The following IST1 variants were observed in gnomAD, a reference collection of about 807,000 sequenced individuals.
The protein encoded by IST1 is IST1 homolog.
Under a neutral mutation model 37.0 loss-of-function variants are expected in IST1, and 23 were observed. That is an observed-to-expected ratio of 0.62 (90% CI 0.45 to 0.88). The LOEUF (loss-of-function observed/expected upper bound fraction) is 0.88. IST1 is among the 40% of genes least tolerant of loss of function. The probability of loss-of-function intolerance (pLI) is 0.00; values close to 1 mark genes in which losing one functional copy is unlikely to be tolerated. For synonymous variants in IST1, 180 were observed against 161.7 expected (o/e 1.11, Z -0.86); for missense variants, 488 against 445.4 (o/e 1.10, Z -0.86).
intron 1 of IST1, among the ~76,000 whole-genome samples, chr16:71,904,198 G>C (rs1002269087): frequency 6.6e-6 from 1 of 152,046 alleles, no homozygotes; most frequent in African/African-American, 2.4e-5. Context: ...ATCTCCGCTC[G>C]CTGCAATCTC....
chr16:71,922,271 G>A (rs1407323273), intron 6 of IST1, among the ~76,000 whole-genome samples: 1 of 152,230 alleles, frequency 6.6e-6, no homozygotes, highest in Non-Finnish European at 1.5e-5. Context: ...AGTCATTGGG[G>A]AATTGGCTGA....
Position 71,927,993 on chromosome 16 carries a change from G to C in IST1, c.*180G>C, listed in dbSNP as rs2037792134. The C allele has an allele frequency of 1.7e-6, 1 of 588,060 alleles. No individual in the cohort carries two copies. The highest frequency in any genetic ancestry group is 3.0e-6 in the Non-Finnish European group (1 of 330,412). 36.4% of individuals were successfully genotyped at this position (588,060 alleles called of 1,614,324 possible). A position where few individuals can be genotyped will look rare whatever the true frequency, so the allele number is the denominator to read the frequency against. Reference sequence around the variant, plus strand: ...TGCTTTCCAGTTCTCTGTTGATCCTGAGACTAACAATTGGAGACTGAGGCC... The same window carrying C: ...TGCTTTCCAGTTCTCTGTTGATCCTCAGACTAACAATTGGAGACTGAGGCC... On this transcript the variant is annotated 3_prime_UTR_variant, in exon 10 of 10. Coordinates refer to ENST00000378799, the MANE Select transcript of IST1 (RefSeq NM_001270975.2).
chr16:71,915,801 C>T, intron 2 of IST1, 73 bp downstream of exon 2: 2 of 901,484 alleles, frequency 2.2e-6, no homozygotes, highest in Non-Finnish European at 3.6e-6. Context: ...TCTTTCAGGC[C>T]AGTACTATGA....
chr16:71,923,294 T>C lies in IST1; in HGVS notation c.766T>C (p.Phe256Leu). The C allele has an allele frequency of 6.2e-7, 1 of 1,606,874 alleles. No individual in the cohort carries two copies. Among genetic ancestry groups the C allele is most frequent in the Non-Finnish European group, 8.5e-7 (1 of 1,174,334 alleles). ...SYPLPKGPSD[F>L]NGLPMGTYQA... The stretch of plus-strand genomic sequence containing the variant: ...TGCCTTTCTCCTCTTACAGTCAGAT[T>C]TCAATGGACTGCCAATGGGGACTTA... Residue 256 changes from phenylalanine (F) to leucine (L), a missense_variant, in exon 8 of 10, where the codon TTC becomes CTC. Transcript: ENST00000378799.
At chr16:71,920,315 A>T (rs936429408) in intron 4 of IST1, among the ~76,000 whole-genome samples, 8 of 152,246 alleles carry the variant, frequency 5.3e-5, no homozygotes, top group African/African-American at 1.9e-4. Context: ...GCTACATAGG[A>T]TACGGCTTAA....
chr16:71,907,775 G>T (rs2037259422), intron 1 of IST1, among the ~76,000 whole-genome samples: 1 of 151,884 alleles, frequency 6.6e-6, no homozygotes, highest in Non-Finnish European at 1.5e-5. Flanking sequence ...AGTCCATACA[G>T]TTTCTTTCTT....
rs143754813 is a variant in IST1 at position 71,905,464 on chromosome 16, C to T, written c.-16+9875C>T. On this transcript the variant is annotated intron_variant, in intron 1 of 9. Coordinates refer to ENST00000378799, the MANE Select transcript of IST1 (RefSeq NM_001270975.2). Reference sequence around the variant, plus strand: ...CACCATGTCAGCTCACTGCAACCTTCGTCTGCTGGGTTCAAGTGATTCTTT... The same window carrying T: ...CACCATGTCAGCTCACTGCAACCTTTGTCTGCTGGGTTCAAGTGATTCTTT... Among the ~76,000 whole-genome samples, 7 of 151,408 alleles carry T rather than the reference C, an allele frequency of 4.6e-5. No homozygotes were observed. In the East Asian group the frequency reaches 5.8e-4, roughly 13 times the overall value.
intron 7 of IST1, chr16:71,923,077 G>T (rs1280956237): frequency 2.1e-6 from 1 of 479,002 alleles, no homozygotes; most frequent in Non-Finnish European, 3.7e-6. Context: ...TGAAGCACTT[G>T]ATTCAATAAA....
At chr16:71,906,170 A>T (rs1247251050) in intron 1 of IST1, among the ~76,000 whole-genome samples, 1 of 150,350 alleles carries the variant, frequency 6.7e-6, no homozygotes, top group Non-Finnish European at 1.5e-5. Flanking sequence ...CGCCCAGCTG[A>T]TTTTTTGTGT....
At chr16:71,923,000 C>T (rs2037643989) in intron 7 of IST1, 4 of 481,812 alleles carry the variant, frequency 8.3e-6, no homozygotes, top group East Asian at 3.9e-5. Context: ...CCAGGCAGAA[C>T]AACCTTTGTA....
chr16:71,897,927 C>T (rs2037012869), intron 1 of IST1, among the ~76,000 whole-genome samples: 2 of 152,042 alleles, frequency 1.3e-5, no homozygotes, highest in Non-Finnish European at 2.9e-5. Context: ...CCAGCCTGGG[C>T]GACAGAGTGA....
At chr16:71,904,516 A>G (rs981337263) in intron 1 of IST1, among the ~76,000 whole-genome samples, 1 of 152,150 alleles carries the variant, frequency 6.6e-6, no homozygotes, top group African/African-American at 2.4e-5. Context: ...GGGCTTAAGC[A>G]GTTCTCCCAC....
At chr16:71,925,105 C>T (rs1030227700) in intron 9 of IST1, among the ~76,000 whole-genome samples, 5 of 151,366 alleles carry the variant, frequency 3.3e-5, no homozygotes, top group Non-Finnish European at 5.9e-5. Flanking sequence ...CTCCGCCTCC[C>T]GGGTTCACGC....
At position 71,916,639 on chromosome 16, in the gene IST1, T is replaced by C; in HGVS notation, c.266T>C (p.Met89Thr). Residue 89 changes from methionine (M) to threonine (T), a missense_variant, in exon 3 of 10, where the codon ATG becomes ACG. Physicochemically the swap from Met to Thr is moderately conservative, Grantham distance 81. Coordinates refer to ENST00000378799, the MANE Select transcript of IST1 (RefSeq NM_001270975.2). ...GCTCGGTTTGGCCTTATCCAGTCTA[T>C]GAAGTAAGATATTTTGATTCAGAGA... is the stretch of plus-strand genomic sequence containing the variant. ...LLARFGLIQS[M>T]KELDSGLAES... is the part of the protein sequence containing the mutation. 1 of 1,606,436 alleles carries C rather than the reference T, an allele frequency of 6.2e-7. No individual in the cohort carries two copies. The highest frequency in any genetic ancestry group is 1.1e-5 in the South Asian group (1 of 90,384).
chr16:71,921,647 G>A lies in IST1; in HGVS notation c.552+194G>A, dbSNP rs2037587615. The A allele has an allele frequency of 8.0e-5, 42 of 522,666 alleles. 1 individual carries two copies. The South Asian group carries it at 1.1e-3, about 13-fold the overall frequency. The allele number at this position is 522,666 out of a possible 1,614,324, so 32.4% of individuals were successfully genotyped here. On this transcript the variant is annotated intron_variant, in intron 6 of 9. Transcript: ENST00000378799. ...GGAATTAGATGAATGACAACACTTT[G>A]AGAAGGTCAAAACCTTGATACAAAT...
Position 71,930,378 on chromosome 16 carries a change from A to T in IST1, c.*2565A>T. ...AGAGCAGGAATGACTCATTTTAAGGAGGTTAAGATAATTGTGACTGCAGGG... is the reference window on the plus strand; with the variant it reads ...AGAGCAGGAATGACTCATTTTAAGGTGGTTAAGATAATTGTGACTGCAGGG... On this transcript the variant is annotated 3_prime_UTR_variant, in exon 10 of 10. Coordinates refer to ENST00000378799, the MANE Select transcript of IST1 (RefSeq NM_001270975.2). 1 of 453,058 alleles carries T rather than the reference A, an allele frequency of 2.2e-6. No homozygotes were observed. The highest frequency in any genetic ancestry group is 8.9e-5 in the South Asian group (1 of 11,274). The allele number at this position is 453,058 out of a possible 1,614,324, so 28.1% of individuals were successfully genotyped here.
intron 4 of IST1, among the ~76,000 whole-genome samples, chr16:71,919,971 A>G (rs1012368625): frequency 1.3e-5 from 2 of 152,212 alleles, no homozygotes; most frequent in African/African-American, 4.8e-5. Flanking sequence ...CAGATGGAAC[A>G]ATGGCGAGCG....
Position 71,929,985 on chromosome 16 carries a change from A to AG in IST1, c.*2176dup. On this transcript the variant is annotated 3_prime_UTR_variant, in exon 10 of 10. Transcript: ENST00000378799. The stretch of plus-strand genomic sequence containing the variant: ...ATAAATTATGTCAGCCCGTCATCTT[A>AG]GGGGCAGTTACAGTGGAGCTTTCCC... 1 of 1,457,758 alleles carries AG rather than the reference A, an allele frequency of 6.9e-7. No individual in the cohort carries two copies. The highest frequency in any genetic ancestry group is 9.2e-7 in the Non-Finnish European group (1 of 1,087,042). 90.3% of individuals were successfully genotyped at this position (1,457,758 alleles called of 1,614,324 possible).
Position 71,924,959 on chromosome 16 carries a change from A to G in IST1, c.901+142A>G, listed in dbSNP as rs934543393. 8 of 623,556 alleles carry G rather than the reference A, an allele frequency of 1.3e-5. No homozygotes were observed. The African/African-American group carries it at 1.3e-4, about 10-fold the overall frequency. 38.6% of individuals were successfully genotyped at this position (623,556 alleles called of 1,614,324 possible). On this transcript the variant is annotated intron_variant, in intron 9 of 9. Coordinates refer to ENST00000378799, the MANE Select transcript of IST1 (RefSeq NM_001270975.2). ...CTGTTCTCTTCCCAAATGCTAAAATAGAACTCAGGATATCCTGCTTCTAAG... is the reference window on the plus strand; with the variant it reads ...CTGTTCTCTTCCCAAATGCTAAAATGGAACTCAGGATATCCTGCTTCTAAG...
Sources: allele counts gnomAD v4.1 joint callset (sites outside exome capture counted in the v4.1 genomes callset), GRCh38; gene constraint gnomAD v4.1.1; transcripts MANE v1.5; gene names NCBI Gene and HGNC (gene_info 2026-07-23, HGNC 2026-07-21).